ETV6: variants seen among roughly 807,000 people sequenced by gnomAD.
ETV6 encodes ETS variant transcription factor 6, also known as transcription factor ETV6.
A neutral mutation model predicts 51.1 loss-of-function variants in ETV6; 16 were observed. The ratio of observed to expected loss-of-function variants is 0.31; its 90% CI spans 0.21 to 0.48. The LOEUF is 0.48. ETV6 is among the 20% of genes least tolerant of loss of function. The probability of loss-of-function intolerance (pLI) is 0.99; values close to 1 mark genes in which losing one functional copy is unlikely to be tolerated. For synonymous variants in ETV6, 240 were observed against 224.1 expected, an observed-to-expected ratio of 1.07 and a Z score of -0.64; for missense variants, 458 against 594.8, an observed-to-expected ratio of 0.77 and a Z score of 2.39.
At chr12:11,681,141 C>G (rs1591604845) in intron 1 of ETV6, among the ~76,000 whole-genome samples, 1 of 152,292 alleles carries the variant, frequency 6.6e-6, no homozygotes, top group East Asian at 1.9e-4. Context: ...TAAGCATGGT[C>G]ATTTATCATG....
chr12:11,788,498 C>T (rs753023038), intron 2 of ETV6, among the ~76,000 whole-genome samples: 11 of 152,136 alleles, frequency 7.2e-5, no homozygotes, highest in Non-Finnish European at 1.5e-4. Flanking sequence ...AGTTCTTAGT[C>T]CCTTTTCCTC....
chr12:11,884,530 C>T lies in ETV6; in HGVS notation c.1095C>T (p.Ser365=), dbSNP rs369012954. Residue 365 remains serine, a synonymous_variant, in exon 6 of 8, where the codon TCC becomes TCT. Transcript: ENST00000396373. ...ENFIRWEDKE[S]KIFRIVDPNG... ...TCATCCGATGGGAGGACAAAGAATCCAAAATATTCCGGATAGTGGATCCCA... is the reference window on the plus strand; with the variant it reads ...TCATCCGATGGGAGGACAAAGAATCTAAAATATTCCGGATAGTGGATCCCA... 9.3e-6 allele frequency: 15 copies of T among 1,614,032 alleles called. No individual in the cohort carries two copies. Among genetic ancestry groups the T allele is most frequent in the Admixed American group, 5.0e-5 (3 of 60,004 alleles).
chr12:11,778,106 G>A (rs552419834), intron 2 of ETV6, among the ~76,000 whole-genome samples: 12 of 152,296 alleles, frequency 7.9e-5, no homozygotes, highest in East Asian at 3.9e-4. Flanking sequence ...AAAATGCACC[G>A]GCTTTGGAGC....
chr12:11,850,505 G>A (rs1946536186), intron 3 of ETV6, among the ~76,000 whole-genome samples: 1 of 152,202 alleles, frequency 6.6e-6, no homozygotes, highest in Non-Finnish European at 1.5e-5. Context: ...CCTGTCCCAA[G>A]CCACTATAAT....
intron 2 of ETV6, among the ~76,000 whole-genome samples, chr12:11,765,400 A>C (rs1945148006): frequency 6.6e-6 from 1 of 151,590 alleles, no homozygotes; most frequent in Admixed American, 6.6e-5. Flanking sequence ...ACGCAGTCTC[A>C]GGTTCAATAC....
chr12:11,739,499 TTAAG>T (rs779634675), intron 1 of ETV6, among the ~76,000 whole-genome samples: 28 of 152,200 alleles, frequency 1.8e-4, no homozygotes, highest in Non-Finnish European at 3.4e-4. Flanking sequence ...AAAAACCTAT[TTAAG>T]TGTGTTTGGA....
intron 2 of ETV6, among the ~76,000 whole-genome samples, chr12:11,790,460 A>G (rs1945565917): frequency 6.6e-6 from 1 of 152,064 alleles, no homozygotes; most frequent in African/African-American, 2.4e-5. Flanking sequence ...AAATATCTCC[A>G]GGTCTTTTGT....
At chr12:11,830,321 C>T (rs1038118403) in intron 2 of ETV6, among the ~76,000 whole-genome samples, 1 of 152,184 alleles carries the variant, frequency 6.6e-6, no homozygotes, top group Non-Finnish European at 1.5e-5. Flanking sequence ...GCTTTTACAT[C>T]CATTATTTCC....
chr12:11,759,674 G>A (rs1442616249), intron 2 of ETV6, among the ~76,000 whole-genome samples: 1 of 152,080 alleles, frequency 6.6e-6, no homozygotes, highest in Non-Finnish European at 1.5e-5. Context: ...CGTCTTGATG[G>A]GTTTCCGCAG....
intron 2 of ETV6, among the ~76,000 whole-genome samples, chr12:11,795,855 G>A (rs902613535): frequency 1.3e-5 from 2 of 152,190 alleles, no homozygotes; most frequent in Non-Finnish European, 2.9e-5. Context: ...AGGGTGGTTC[G>A]AAGAAATAAG....
At position 11,650,037 on chromosome 12, in the gene ETV6, G is replaced by A; in HGVS notation, c.-91G>A. The A allele has an allele frequency of 8.5e-7, 1 of 1,178,230 alleles. No homozygotes were observed. Among genetic ancestry groups the A allele is most frequent in the Non-Finnish European group, 1.3e-6 (1 of 786,318 alleles). The allele number at this position is 1,178,230 out of a possible 1,614,324, so 73.0% of individuals were successfully genotyped here. ...TGGAAGAAACTTCTTAAATGACCGC[G>A]TCTGGCTGGCCGTGGAGCCTTTCTG... is the stretch of plus-strand genomic sequence containing the variant. On this transcript the variant is annotated 5_prime_UTR_variant, in exon 1 of 8. Transcript: ENST00000396373.
intron 2 of ETV6, among the ~76,000 whole-genome samples, chr12:11,769,388 T>G (rs1945207709): frequency 6.6e-6 from 1 of 152,202 alleles, no homozygotes; most frequent in African/African-American, 2.4e-5. Context: ...AAAATATTTC[T>G]TAAAATTCAC....
intron 1 of ETV6, among the ~76,000 whole-genome samples, chr12:11,687,478 G>C (rs978329233): frequency 6.6e-6 from 1 of 151,854 alleles, no homozygotes; most frequent in Non-Finnish European, 1.5e-5. Context: ...CGCACCCAGC[G>C]CCACACCCCC....
chr12:11,705,190 C>T (rs1249373446), intron 1 of ETV6, among the ~76,000 whole-genome samples: 1 of 152,168 alleles, frequency 6.6e-6, no homozygotes, highest in Admixed American at 6.5e-5. Flanking sequence ...GTGCTAAGAA[C>T]AGGAGACACA....
chr12:11,729,164 C>G (rs939980113), intron 1 of ETV6, among the ~76,000 whole-genome samples: 1 of 152,220 alleles, frequency 6.6e-6, no homozygotes, highest in Non-Finnish European at 1.5e-5. Context: ...GCCTTATCAC[C>G]GTTTCCTGCT....
chr12:11,679,061 A>G (rs780485997), intron 1 of ETV6, among the ~76,000 whole-genome samples: 10 of 152,212 alleles, frequency 6.6e-5, no homozygotes, highest in Non-Finnish European at 1.2e-4. Context: ...TCCGAGTCAA[A>G]TTGACATATA....
chr12:11,709,309 T>G (rs1865131107), intron 1 of ETV6, among the ~76,000 whole-genome samples: 2 of 152,174 alleles, frequency 1.3e-5, no homozygotes, highest in Admixed American at 1.3e-4. Flanking sequence ...CGTTCCTTTT[T>G]TTCTTTTTTG....
intron 1 of ETV6, among the ~76,000 whole-genome samples, chr12:11,734,529 GAA>G (rs369367648): frequency 6.3e-5 from 8 of 126,346 alleles, no homozygotes; most frequent in African/African-American, 2.3e-4. Context: ...AAAAAAAAAA[GAA>G]AAAAAAAAAA....
At chr12:11,813,729 C>G (rs1325825304) in intron 2 of ETV6, among the ~76,000 whole-genome samples, 1 of 152,166 alleles carries the variant, frequency 6.6e-6, no homozygotes, top group African/African-American at 2.4e-5. Context: ...CTTGAAAAGA[C>G]TTCTTGTGAT....
Sources: gnomAD v4.1 joint callset for allele counts (sites outside exome capture counted in the v4.1 genomes callset) on GRCh38, gnomAD v4.1.1 for gene constraint, MANE v1.5 for transcripts, NCBI Gene and HGNC (gene_info 2026-07-23, HGNC 2026-07-21) for gene names.